Variants in TAF1 observed in about 807,000 individuals in gnomAD.
TAF1 encodes the protein transcription initiation factor TFIID subunit 1.
TAF1 carries 2 observed loss-of-function variants against 138.5 expected under a neutral mutation model. The observed-to-expected ratio is 0.01, with a 90% confidence interval of 0.01 to 0.05. The LOEUF is 0.05. Ranked by LOEUF, TAF1 falls within the 10% of genes least tolerant of loss-of-function variation. TAF1 has a pLI of 1.00. For synonymous variants in TAF1, 437 were observed against 503.2 expected (o/e 0.87, Z 1.76); for missense variants, 709 against 1,478.0 (o/e 0.48, Z 8.53).
intron 20 of TAF1, 110 bp downstream of exon 20, chrX:71,393,104 G>C: frequency 9.2e-7 from 1 of 1,085,660 alleles, no homozygotes; most frequent in Admixed American, 2.8e-5. Flanking sequence ...GTAGGGTATA[G>C]TAAGCTAAGT....
rs751733972 is a variant in TAF1 at position 71,431,967 on chromosome X, T to G, written c.4753+7729T>G. On this transcript the variant is annotated intron_variant, in intron 32 of 37. Transcript: ENST00000423759. ...GTGGCCAGAATGAAAGAAGAAAAACTAGGAGAGAATAATATACTGCAAACC... is the reference window on the plus strand; with the variant it reads ...GTGGCCAGAATGAAAGAAGAAAAACGAGGAGAGAATAATATACTGCAAACC... 2.4e-3 allele frequency among the ~76,000 whole-genome samples: 242 copies of G among 101,577 alleles called. 1 individual carries two copies. The highest frequency in any genetic ancestry group is 4.5e-3 in the Non-Finnish European group (225 of 50,060). The allele number at this position is 101,577 out of a possible 115,157, so 88.2% of individuals were successfully genotyped here.
chrX:71,367,266 ATACTT>A (rs1325283841), intron 1 of TAF1, among the ~76,000 whole-genome samples: 2 of 112,357 alleles, frequency 1.8e-5, no homozygotes, highest in Non-Finnish European at 3.8e-5. Flanking sequence ...CTCTTGTAGT[ATACTT>A]TAAAGTGTGG....
rs1057524409 is a variant in TAF1 at position 71,424,182 on chromosome X, G to A, written c.4697G>A (p.Arg1566Gln). ...KNISKHKYQSRESFLDDVNLI... is the reference protein window; with the variant it reads ...KNISKHKYQSQESFLDDVNLI... ...ATCTCCAAGCACAAGTATCAGAGTC[G>A]GGAGAGCTTTCTGGATGATGTAAAC... Residue 1566 changes from arginine (R) to glutamine (Q), a missense_variant, in exon 32 of 38, where the codon CGG becomes CAG. This residue lies in a region of TAF1 where 36 missense variants were observed against 47.3 expected (regional missense o/e 0.76). Coordinates refer to ENST00000423759, the MANE Select transcript of TAF1 (RefSeq NM_004606.5). The A allele has an allele frequency of 5.8e-6, 7 of 1,211,015 alleles. No individual in the cohort carries two copies. The highest frequency in any genetic ancestry group is 1.7e-5 in the African/African-American group (1 of 57,754).
At chrX:71,412,207 C>G (rs1327201809) in intron 28 of TAF1, among the ~76,000 whole-genome samples, 1 of 107,775 alleles carries the variant, frequency 9.3e-6, no homozygotes, top group Non-Finnish European at 1.9e-5. Context: ...TCACTGCAGC[C>G]TCACCCTCTC....
chrX:71,491,366 A>G (rs1280303973), intron 13 of TAF1, among the ~76,000 whole-genome samples: 1 of 110,456 alleles, frequency 9.1e-6, no homozygotes, highest in African/African-American at 3.3e-5. Context: ...GGCTCCAAGA[A>G]AAGCAAACAG....
intron 35 of TAF1, chrX:71,459,213 G>A (rs1436414204): frequency 9.0e-7 from 1 of 1,110,380 alleles, no homozygotes; most frequent in Non-Finnish European, 1.2e-6. Context: ...AGGGTATGAT[G>A]ATGAGGAGGA....
chrX:71,428,241 T>A lies in TAF1; in HGVS notation c.4753+4003T>A, dbSNP rs1459084700. Among the ~76,000 whole-genome samples, 3 of 109,841 alleles carry A rather than the reference T, an allele frequency of 2.7e-5. No individual in the cohort carries two copies. The East Asian group carries it at 8.7e-4, about 32-fold the overall frequency. ...ATCTTGGCCAGGCTGGTCTCGAACT[T>A]CTGACCTTGTGAGCCACTGCGCTTG... On this transcript the variant is annotated intron_variant, in intron 32 of 37. Coordinates refer to ENST00000423759, the MANE Select transcript of TAF1 (RefSeq NM_004606.5).
At chrX:71,416,648 C>T (rs1191977782) in intron 28 of TAF1, 8 of 315,039 alleles carry the variant, frequency 2.5e-5, no homozygotes, top group Non-Finnish European at 4.8e-5. Flanking sequence ...CACACAAGGT[C>T]GATAGAAAAG....
At chrX:71,505,110 A>C (rs1300593748) in intron 13 of TAF1, among the ~76,000 whole-genome samples, 1 of 110,610 alleles carries the variant, frequency 9.0e-6, no homozygotes, top group Admixed American at 9.8e-5. Context: ...CAGCCTGGGC[A>C]ACAGAGCGAG....
chrX:71,413,708 G>A (rs770522418), intron 28 of TAF1: 5 of 110,950 alleles, frequency 4.5e-5, no homozygotes, highest in African/African-American at 1.6e-4. Flanking sequence ...TTGCCCAACT[G>A]GCAACTTATT....
At chrX:71,400,126 A>G (rs1283010103) in intron 24 of TAF1, among the ~76,000 whole-genome samples, 1 of 97,500 alleles carries the variant, frequency 1.0e-5, no homozygotes, top group African/African-American at 3.8e-5. Flanking sequence ...GTCTTGCTTA[A>G]TCGCTCAGGC....
intron 2 of TAF1, 51 bp from the exon 3 acceptor site, chrX:71,368,003 G>C: frequency 8.9e-7 from 1 of 1,123,679 alleles, no homozygotes; most frequent in South Asian, 1.8e-5. Context: ...AATTATCTGA[G>C]GGAGTGAGGG....
intron 13 of TAF1, among the ~76,000 whole-genome samples, chrX:71,511,059 C>T (rs748161432): frequency 5.4e-5 from 6 of 110,311 alleles, no homozygotes; most frequent in Non-Finnish European, 9.5e-5. Context: ...GCCAAGATCG[C>T]GCCATTGCAC....
At chrX:71,447,583 C>T (rs1197039743) in intron 32 of TAF1, among the ~76,000 whole-genome samples, 2 of 109,318 alleles carry the variant, frequency 1.8e-5, no homozygotes, top group Admixed American at 2.0e-4. Flanking sequence ...GTAATTCCAG[C>T]TACTTGGGGA....
Position 71,458,332 on chromosome X carries a change from T to C in TAF1, c.5030T>C (p.Ile1677Thr), listed in dbSNP as rs1415575218. 8.3e-7 allele frequency: 1 copy of C among 1,210,443 alleles called. No homozygotes were observed. Among genetic ancestry groups the C allele is most frequent in the Non-Finnish European group, 1.1e-6 (1 of 895,293 alleles). Residue 1677 changes from isoleucine to threonine, a missense_variant, in exon 35 of 38, where the codon ATT becomes ACT. Coordinates refer to ENST00000423759, the MANE Select transcript of TAF1 (RefSeq NM_004606.5). ...GAGAGCAATATGTCTGTCTTGGATA[T>C]TCCCAGTGCCACTCCAGAAAAGCAG... ...QDESNMSVLD[I>T]PSATPEKQVT...
intron 6 of TAF1, 170 bp from the exon 7 acceptor site, chrX:71,378,055 ATAAGAAGGTT>A: frequency 1.7e-6 from 1 of 592,527 alleles, no homozygotes; most frequent in African/African-American, 2.3e-5. Context: ...ATGCTGCTGA[ATAAGAAGGTT>A]TGATTGATAG....
At chrX:71,375,964 A>C (rs2033443650) in intron 4 of TAF1, among the ~76,000 whole-genome samples, 1 of 112,879 alleles carries the variant, frequency 8.9e-6, no homozygotes, top group African/African-American at 3.2e-5. Flanking sequence ...TGGTTAAATT[A>C]GGAAGGTGCC....
chrX:71,493,278 G>A (rs761751996), intron 13 of TAF1, among the ~76,000 whole-genome samples: 1 of 112,104 alleles, frequency 8.9e-6, no homozygotes, highest in African/African-American at 3.2e-5. Context: ...CTTCCAAAGT[G>A]CTAGGATTAC....
At chrX:71,402,220 G>A (rs1356992754) in intron 25 of TAF1, among the ~76,000 whole-genome samples, 2 of 111,762 alleles carry the variant, frequency 1.8e-5, no homozygotes, top group Non-Finnish European at 3.8e-5. Flanking sequence ...CGATTCTCAC[G>A]CCTCAGCCTC....
Sources: gnomAD v4.1 joint callset for allele counts (sites outside exome capture counted in the v4.1 genomes callset) on GRCh38, gnomAD v4.1.1 for gene constraint, gnomAD v4.1.1 regional missense constraint, MANE v1.5 for transcripts, NCBI Gene and HGNC (gene_info 2026-07-23, HGNC 2026-07-21) for gene names.